PIK3IP1: variants seen among roughly 807,000 people sequenced by gnomAD.
PIK3IP1 encodes phosphoinositide-3-kinase interacting protein 1.
In PIK3IP1, 28 loss-of-function variants were observed where a neutral mutation model predicts 30.7. The observed-to-expected ratio is 0.91, with a 90% confidence interval of 0.68 to 1.25. PIK3IP1 has a LOEUF of 1.25. Among genes scored for constraint, PIK3IP1 ranks in the 50% most tolerant of loss-of-function variants. The probability of loss-of-function intolerance (pLI) is 0.00; values close to 1 mark genes in which losing one functional copy is unlikely to be tolerated. For synonymous variants in PIK3IP1, 159 were observed against 140.8 expected, an observed-to-expected ratio of 1.13 and a Z score of -0.91; for missense variants, 333 against 346.2, an observed-to-expected ratio of 0.96 and a Z score of 0.30.
At chr22:31,290,034 C>T in intron 3 of PIK3IP1, 2 of 263,330 alleles carry the variant, frequency 7.6e-6, no homozygotes, top group East Asian at 8.2e-5. Flanking sequence ...CAGGAAACAA[C>T]CCATGCTTCC....
intron 5 of PIK3IP1, among the ~76,000 whole-genome samples, chr22:31,285,578 G>A (rs1245916106): frequency 1.3e-5 from 2 of 152,242 alleles, no homozygotes; most frequent in African/African-American, 4.8e-5. Flanking sequence ...GAGGTCCAGA[G>A]AAGGTAAATA....
At chr22:31,288,757 G>C (rs1191680880) in intron 5 of PIK3IP1, among the ~76,000 whole-genome samples, 1 of 152,220 alleles carries the variant, frequency 6.6e-6, no homozygotes. Flanking sequence ...GTGAAGAGTG[G>C]CAAACAGACT....
intron 3 of PIK3IP1, 168 bp downstream of exon 3, chr22:31,290,797 G>A: frequency 1.0e-6 from 1 of 1,001,110 alleles, no homozygotes; most frequent in Admixed American, 3.9e-5. Flanking sequence ...TGGCGGCGGC[G>A]GCCAATAGGC....
chr22:31,291,361 C>T (rs2049177414), intron 1 of PIK3IP1, 65 bp from the exon 2 acceptor site: 4 of 1,491,498 alleles, frequency 2.7e-6, no homozygotes, highest in Admixed American at 3.9e-5. Flanking sequence ...CCCAGCGTGG[C>T]GGACAGGGGA....
intron 5 of PIK3IP1, among the ~76,000 whole-genome samples, chr22:31,285,159 C>T (rs1035035996): frequency 6.6e-6 from 1 of 152,118 alleles, no homozygotes. Flanking sequence ...TTACTCTGAG[C>T]CGCTGCTATT....
intron 3 of PIK3IP1, chr22:31,290,646 G>A: frequency 3.2e-6 from 1 of 315,890 alleles, no homozygotes; most frequent in Non-Finnish European, 5.8e-6. Flanking sequence ...CTAGCACACT[G>A]CAGACGCTCC....
intron 5 of PIK3IP1, 97 bp from the exon 6 acceptor site, chr22:31,283,385 G>T: frequency 7.6e-7 from 1 of 1,311,282 alleles, no homozygotes. Flanking sequence ...GCAGCAGCTT[G>T]CCATTGTCAC....
chr22:31,288,420 A>G (rs11704074), intron 5 of PIK3IP1, among the ~76,000 whole-genome samples: 15 of 120,270 alleles, frequency 1.2e-4, no homozygotes, highest in South Asian at 2.9e-4. Context: ...GGAAGGAAGG[A>G]AGGGAGGGAG....
At chr22:31,286,226 G>A (rs1468033381) in intron 5 of PIK3IP1, among the ~76,000 whole-genome samples, 1 of 152,144 alleles carries the variant, frequency 6.6e-6, no homozygotes, top group East Asian at 1.9e-4. Flanking sequence ...TGAAATAAAT[G>A]TTGGCTGCTA....
intron 3 of PIK3IP1, 111 bp from the exon 4 acceptor site, chr22:31,289,810 C>T: frequency 3.4e-6 from 4 of 1,162,356 alleles, no homozygotes; most frequent in South Asian, 1.5e-5. Flanking sequence ...TAAGAATTTC[C>T]CCCCACACAC....
At chr22:31,290,849 G>A (rs2049170309) in intron 3 of PIK3IP1, 116 bp downstream of exon 3, 2 of 1,383,848 alleles carry the variant, frequency 1.4e-6, no homozygotes, top group African/African-American at 1.5e-5. Context: ...CCAATCGGAC[G>A]GCGCGGAGGC....
Position 31,291,012 on chromosome 22 carries a change from T to G in PIK3IP1, c.260A>C (p.Glu87Ala), listed in dbSNP as rs1569012825. Residue 87 changes from glutamate to alanine, a missense_variant, in exon 3 of 6, where the codon GAG becomes GCG. By Grantham distance (107) the Glu-to-Ala change is moderately radical. Transcript: ENST00000215912. ...AGGCCGTTTCTCAGGGACGCCGGCC[T>G]CGCCACTGACGTAGCACCAGGGCCC... ...PRGPWCYVSGEAGVPEKRPCE... is the reference protein window; with the variant it reads ...PRGPWCYVSGAAGVPEKRPCE... The G allele has an allele frequency of 6.3e-7, 1 of 1,597,056 alleles. No individual in the cohort carries two copies. The highest frequency in any genetic ancestry group is 2.3e-5 in the East Asian group (1 of 43,734).
Position 31,289,574 on chromosome 22 carries a change from C to A in PIK3IP1, c.433G>T (p.Ala145Ser). 6.4e-7 allele frequency: 1 copy of A among 1,560,298 alleles called. No individual in the cohort carries two copies. The highest frequency in any genetic ancestry group is 8.7e-7 in the Non-Finnish European group (1 of 1,150,674). Residue 145 changes from alanine (A) to serine (S), a missense_variant, in exon 4 of 6, where the codon GCT becomes TCT. Coordinates refer to ENST00000215912, the MANE Select transcript of PIK3IP1 (RefSeq NM_052880.5). Reference sequence around the variant, plus strand: ...CTGATCCCAATCACTGGCTGCACAGCTGCCGCCTCACTCCGAGCGGGCAGG... The same window carrying A: ...CTGATCCCAATCACTGGCTGCACAGATGCCGCCTCACTCCGAGCGGGCAGG... ...NALPARSEAA[A>S]VQPVIGISQR... is the part of the protein sequence containing the mutation.
At chr22:31,285,694 C>A (rs1012733279) in intron 5 of PIK3IP1, among the ~76,000 whole-genome samples, 1 of 152,188 alleles carries the variant, frequency 6.6e-6, no homozygotes, top group Admixed American at 6.5e-5. Context: ...TTCCTACTTT[C>A]CTTTGCAATT....
rs2049187156 is a variant in PIK3IP1 at position 31,292,329 on chromosome 22, C to T, written c.16G>A (p.Val6Ile). The T allele has an allele frequency of 1.2e-6, 2 of 1,614,062 alleles. No individual in the cohort carries two copies. The highest frequency in any genetic ancestry group is 1.7e-5 in the Admixed American group (1 of 59,998). Residue 6 changes from valine to isoleucine, a missense_variant, in exon 1 of 6, where the codon GTA (valine) becomes ATA (isoleucine). By Grantham distance (29) the Val-to-Ile change is conservative. Transcript: ENST00000215912. ...ATGTTGCTGACGAGGAATGCTTGTA[C>T]CCAGGCCAACAGCATCCTTGCCTCC... MLLAW[V>I]QAFLVSNMLL...
At chr22:31,289,278 C>T (rs758890857) in intron 5 of PIK3IP1, 37 bp downstream of exon 5, 6 of 1,605,664 alleles carry the variant, frequency 3.7e-6, no homozygotes, top group South Asian at 1.1e-5. Context: ...ACCTTCCTCC[C>T]CTCCTCCTAA....
Position 31,291,279 on chromosome 22 carries a change from C to T in PIK3IP1, c.88G>A (p.Gly30Ser), listed in dbSNP as rs752228274. 113 of 1,556,232 alleles carry T rather than the reference C, an allele frequency of 7.3e-5. No individual in the cohort carries two copies. Among genetic ancestry groups the T allele is most frequent in the Admixed American group, 9.7e-5 (5 of 51,668 alleles). Residue 30 changes from glycine (G) to serine (S), a missense_variant, in exon 2 of 6, where the codon GGC (glycine) becomes AGC (serine). Around this residue, in one of 3 missense-constraint regions of PIK3IP1, gnomAD observed 111 missense variants for 100.1 expected, o/e 1.11. Coordinates refer to ENST00000215912, the MANE Select transcript of PIK3IP1 (RefSeq NM_052880.5). ...YGSGGCFWDN[G>S]HLYREDQTSP... ...GTCTGGTCCTCCCGGTACAGGTGGC[C>T]GTTGTCCCAGAAACAGCCTGTGAGG...
At chr22:31,289,936 C>A (rs2049160976) in intron 3 of PIK3IP1, 1 of 511,522 alleles carries the variant, frequency 2.0e-6, no homozygotes, top group Non-Finnish European at 3.5e-6. Context: ...CTCCTACCTC[C>A]CACGTCTTTA....
In PIK3IP1 at chr22:31,282,508, A is replaced by C. The variant is rs2049097302; in HGVS notation, c.*576T>G. 1 of 152,990 alleles carries C rather than the reference A, an allele frequency of 6.5e-6. No homozygotes were observed. Among genetic ancestry groups the C allele is most frequent in the South Asian group, 2.1e-4 (1 of 4,856 alleles). 9.5% of individuals were successfully genotyped at this position (152,990 alleles called of 1,614,324 possible). A position where few individuals can be genotyped will look rare whatever the true frequency, so the allele number is the denominator to read the frequency against. On this transcript the variant is annotated 3_prime_UTR_variant, in exon 6 of 6. Transcript: ENST00000215912. ...TTGTCAAGGCACATCATTGCCAGCA[A>C]GCTGAAGCATACCAGCAGCCACAAC...
Sources: gnomAD v4.1 joint callset for allele counts (sites outside exome capture counted in the v4.1 genomes callset) on GRCh38, gnomAD v4.1.1 for gene constraint, gnomAD v4.1.1 regional missense constraint, MANE v1.5 for transcripts, NCBI Gene and HGNC (gene_info 2026-07-23, HGNC 2026-07-21) for gene names.